Variants in NECTIN3 observed in about 807,000 individuals in gnomAD.
NECTIN3 encodes the protein nectin cell adhesion molecule 3, also known as nectin-3.
A neutral mutation model predicts 49.4 loss-of-function variants in NECTIN3; 8 were observed. The ratio of observed to expected loss-of-function variants is 0.16; its 90% CI spans 0.10 to 0.29. NECTIN3 has a LOEUF of 0.29. Ranked by LOEUF, NECTIN3 falls within the 10% of genes least tolerant of loss-of-function variation. The pLI is 1.00. For missense variants in NECTIN3, 581 were observed against 654.6 expected (o/e 0.89, Z 1.23); for synonymous variants, 277 against 241.1 (o/e 1.15, Z -1.38).
intron 1 of NECTIN3, among the ~76,000 whole-genome samples, chr3:111,105,962 T>C (rs2107436419): frequency 6.6e-6 from 1 of 151,804 alleles, no homozygotes; most frequent in African/African-American, 2.4e-5. Context: ...GTTGCTAAAT[T>C]CAGTGGTTAC....
chr3:111,153,966 C>A (rs1256427798), intron 7 of NECTIN3, among the ~76,000 whole-genome samples: 3 of 152,110 alleles, frequency 2.0e-5, no homozygotes, highest in Non-Finnish European at 2.9e-5. Context: ...TGACAGCTTT[C>A]TTCCTTTTTT....
intron 2 of NECTIN3, among the ~76,000 whole-genome samples, chr3:111,115,663 A>G (rs1318353928): frequency 6.6e-6 from 1 of 152,216 alleles, no homozygotes; most frequent in Admixed American, 6.5e-5. Context: ...GAGTACTGTG[A>G]TGACACTTGT....
chr3:111,186,611 C>T (rs2035724491), intron 7 of NECTIN3, among the ~76,000 whole-genome samples: 2 of 152,138 alleles, frequency 1.3e-5, no homozygotes, highest in South Asian at 4.1e-4. Context: ...ATAATCTGTA[C>T]ATTAGATCCC....
chr3:111,108,414 C>T (rs570065610), intron 1 of NECTIN3, among the ~76,000 whole-genome samples: 1 of 151,984 alleles, frequency 6.6e-6, no homozygotes, highest in Non-Finnish European at 1.5e-5. Flanking sequence ...CCCTCCACCC[C>T]ACAACAGTAT....
At chr3:111,148,623 T>C (rs1296069438) in intron 7 of NECTIN3, among the ~76,000 whole-genome samples, 1 of 152,124 alleles carries the variant, frequency 6.6e-6, no homozygotes, top group Non-Finnish European at 1.5e-5. Context: ...AAGTAGCTCA[T>C]TAAAATGTTT....
upstream of NECTIN3, among the ~76,000 whole-genome samples, chr3:111,191,190 A>G (rs934907028): frequency 3.3e-5 from 5 of 152,232 alleles, no homozygotes; most frequent in African/African-American, 7.2e-5. Flanking sequence ...GAATTAGACA[A>G]AGCCACATTT....
upstream of NECTIN3, among the ~76,000 whole-genome samples, chr3:111,188,669 C>A (rs887428028): frequency 9.9e-5 from 15 of 152,206 alleles, no homozygotes; most frequent in Admixed American, 7.8e-4. Flanking sequence ...TTATTTATCT[C>A]TGTAGTTCCC....
At chr3:111,072,383 G>C (rs1195649431) in intron 1 of NECTIN3, 1 of 1,498,598 alleles carries the variant, frequency 6.7e-7, no homozygotes, top group Non-Finnish European at 8.8e-7. Context: ...CCGGCGGCCC[G>C]CTGCCCTCCC....
At chr3:111,160,416 G>A (rs939029286) in intron 7 of NECTIN3, among the ~76,000 whole-genome samples, 20 of 151,782 alleles carry the variant, frequency 1.3e-4, no homozygotes, top group African/African-American at 4.8e-4. Context: ...GATGTTTCTA[G>A]TGCCCTGAAC....
rs952522598 is a variant in NECTIN3, at chr3:111,181,725, G to A, written c.1222-10626G>A. On this transcript the variant is annotated intron_variant, in intron 7 of 8. Transcript: ENST00000493615. ...CCTTTTAATTTATATGGGATCAGCA[G>A]TAATGTCACCTTTTTCATTTTGATA... Among the ~76,000 whole-genome samples the A allele has an allele frequency of 2.4e-4, 36 of 152,016 alleles. 1 individual carries two copies.
At chr3:111,118,535 GTGTGTAGATTTTTATA>G (rs2107463126) in intron 2 of NECTIN3, 105 bp from the exon 3 acceptor site, 2 of 876,130 alleles carry the variant, frequency 2.3e-6, no homozygotes, top group East Asian at 5.5e-5. Context: ...CCTAAAAAGT[GTGTGTAGATTTTTATA>G]TGCAGTTGTC....
chr3:111,136,208 A>G lies in NECTIN3; in HGVS notation c.*1993A>G, dbSNP rs576850849. The G allele has an allele frequency of 7.2e-6, 7 of 965,608 alleles. No individual in the cohort carries two copies. The highest frequency in any genetic ancestry group is 1.2e-4 in the Admixed American group (2 of 16,166). The allele number at this position is 965,608 out of a possible 1,614,324, so 59.8% of individuals were successfully genotyped here. A position where few individuals can be genotyped will look rare whatever the true frequency, so the allele number is the denominator to read the frequency against. On this transcript the variant is annotated 3_prime_UTR_variant, in exon 6 of 6. Transcript: ENST00000485303. ...GAAATACTGTATGGATCTGAACAGA[A>G]TAATCACATTTAGGATTCTATATAA...
chr3:111,100,401 C>A (rs1401446538), intron 1 of NECTIN3, among the ~76,000 whole-genome samples: 1 of 152,092 alleles, frequency 6.6e-6, no homozygotes, highest in Non-Finnish European at 1.5e-5. Flanking sequence ...CACAAACTTG[C>A]TTTCATGCAC....
intron 1 of NECTIN3, chr3:111,193,097 A>G: frequency 2.0e-6 from 2 of 1,010,402 alleles, no homozygotes; most frequent in Non-Finnish European, 2.8e-6. Context: ...ATAATGAATC[A>G]GGGACACTAA....
At chr3:111,182,831 T>G (rs1351225018) in intron 7 of NECTIN3, among the ~76,000 whole-genome samples, 1 of 152,100 alleles carries the variant, frequency 6.6e-6, no homozygotes, top group Non-Finnish European at 1.5e-5. Context: ...ATTGCCACTT[T>G]TACTTAACTT....
At chr3:111,108,758 T>G (rs1215021671) in intron 1 of NECTIN3, among the ~76,000 whole-genome samples, 1 of 152,066 alleles carries the variant, frequency 6.6e-6, no homozygotes, top group Non-Finnish European at 1.5e-5. Context: ...GCGAGCCTCT[T>G]TTAAACAGCC....
chr3:111,134,159 G>T lies in NECTIN3; in HGVS notation c.1594G>T (p.Asp532Tyr). Residue 532 changes from aspartate to tyrosine, a missense_variant, in exon 6 of 6, where the codon GAC becomes TAC. Coordinates refer to ENST00000485303, the MANE Select transcript of NECTIN3 (RefSeq NM_015480.3). ...TGAACATTATGATGAAAACGAAGAT[G>T]ACTTAGTTTCACATGTAGATGGTTC... ...SDEHYDENED[D>Y]LVSHVDGSVI... is the part of the protein sequence containing the mutation. 1 of 1,611,642 alleles carries T rather than the reference G, an allele frequency of 6.2e-7. No individual in the cohort carries two copies. Among genetic ancestry groups the T allele is most frequent in the South Asian group, 1.1e-5 (1 of 90,602 alleles).
chr3:111,080,561 A>G (rs1224196874), intron 1 of NECTIN3, among the ~76,000 whole-genome samples: 2 of 152,014 alleles, frequency 1.3e-5, no homozygotes, highest in Non-Finnish European at 2.9e-5. Context: ...CTCCATTCAG[A>G]TACTTAGAAT....
chr3:111,101,166 A>G (rs983402022), intron 1 of NECTIN3, among the ~76,000 whole-genome samples: 2 of 152,112 alleles, frequency 1.3e-5, no homozygotes, highest in Admixed American at 6.6e-5. Context: ...TCTTCTGAAA[A>G]TATGAAGAAA....
Sources: allele counts gnomAD v4.1 joint callset (sites outside exome capture counted in the v4.1 genomes callset), GRCh38; gene constraint gnomAD v4.1.1; transcripts MANE v1.5; gene names NCBI Gene and HGNC (gene_info 2026-07-23, HGNC 2026-07-21).